Variants in IL1RAPL1 observed in about 807,000 individuals in gnomAD.
IL1RAPL1 encodes interleukin 1 receptor accessory protein like 1.
A neutral mutation model predicts 48.4 loss-of-function variants in IL1RAPL1; 3 were observed. The ratio of observed to expected loss-of-function variants is 0.06; its 90% CI spans 0.03 to 0.16. The LOEUF (loss-of-function observed/expected upper bound fraction) is 0.16. Among genes scored for constraint, IL1RAPL1 ranks in the 10% least tolerant of loss-of-function variants. The pLI, the probability that IL1RAPL1 is intolerant of heterozygous loss-of-function variation, is 1.00. For missense variants in IL1RAPL1, 349 were observed against 530.6 expected (o/e 0.66, Z 3.36); for synonymous variants, 185 against 187.7 (o/e 0.99, Z 0.12).
chrX:28,969,442 A>G (rs968087926), intron 2 of IL1RAPL1, among the ~76,000 whole-genome samples: 1 of 110,514 alleles, frequency 9.0e-6, no homozygotes, highest in African/African-American at 3.3e-5. Flanking sequence ...ACATTGTTAG[A>G]AGCCAGCTTC....
At chrX:29,742,578 TA>T (rs1285695118) in intron 6 of IL1RAPL1, among the ~76,000 whole-genome samples, 1 of 108,815 alleles carries the variant, frequency 9.2e-6, no homozygotes, top group Non-Finnish European at 1.9e-5. Context: ...AACAAACAAA[TA>T]AACAAAAAAA....
At chrX:28,670,150 A>T (rs1162941379) in intron 1 of IL1RAPL1, among the ~76,000 whole-genome samples, 1 of 111,778 alleles carries the variant, frequency 8.9e-6, no homozygotes. Context: ...TCCTAGGCAA[A>T]CTGGGACAAG....
chrX:29,924,159 A>G (rs1260339003), intron 8 of IL1RAPL1, among the ~76,000 whole-genome samples: 1 of 112,242 alleles, frequency 8.9e-6, no homozygotes, highest in African/African-American at 3.2e-5. Flanking sequence ...TACTTATCAC[A>G]GTGTCTGACA....
chrX:28,788,617 C>T (rs1448660390), intron 1 of IL1RAPL1, among the ~76,000 whole-genome samples: 1 of 99,946 alleles, frequency 1.0e-5, no homozygotes, highest in African/African-American at 3.7e-5. Flanking sequence ...CAGGTGCACT[C>T]CACCACGCCC....
At chrX:29,795,231 AT>A (rs1285571682) in intron 6 of IL1RAPL1, among the ~76,000 whole-genome samples, 1 of 111,767 alleles carries the variant, frequency 8.9e-6, no homozygotes, top group East Asian at 2.8e-4. Context: ...TCTATTACAT[AT>A]TTATCACCTA....
intron 2 of IL1RAPL1, among the ~76,000 whole-genome samples, chrX:29,260,282 T>C (rs1476107626): frequency 8.9e-6 from 1 of 112,426 alleles, no homozygotes; most frequent in Non-Finnish European, 1.9e-5. Flanking sequence ...AGTTGCTGTA[T>C]TAGTCTGTTC....
chrX:29,660,368 A>T (rs61449898), intron 5 of IL1RAPL1, among the ~76,000 whole-genome samples: 16,117 of 111,549 alleles, frequency 0.14, 1,225 homozygotes, highest in African/African-American at 0.29. Flanking sequence ...CTGTTTTTGC[A>T]TTGGTTGCCT....
At chrX:28,831,783 A>G (rs1921063594) in intron 2 of IL1RAPL1, among the ~76,000 whole-genome samples, 1 of 111,037 alleles carries the variant, frequency 9.0e-6, no homozygotes, top group Non-Finnish European at 1.9e-5. Context: ...AGAATTTCAG[A>G]GTTTCATACT....
intron 6 of IL1RAPL1, among the ~76,000 whole-genome samples, chrX:29,818,430 A>G (rs1162058198): frequency 8.9e-6 from 1 of 112,396 alleles, no homozygotes; most frequent in Non-Finnish European, 1.9e-5. Context: ...TCCCTCTTCT[A>G]TAGAGATTGG....
intron 2 of IL1RAPL1, among the ~76,000 whole-genome samples, chrX:29,115,180 A>G (rs1602063651): frequency 1.8e-5 from 2 of 111,881 alleles, no homozygotes; most frequent in Admixed American, 1.9e-4. Flanking sequence ...TATGGTATCA[A>G]TTTTTTAAAA....
At chrX:29,370,340 A>AT (rs796561065) in intron 3 of IL1RAPL1, among the ~76,000 whole-genome samples, 36 of 108,739 alleles carry the variant, frequency 3.3e-4, no homozygotes, top group South Asian at 1.9e-3. Context: ...GACATGAAGT[A>AT]TTTTTTTTAT....
chrX:29,258,317 G>A (rs1931791145), intron 2 of IL1RAPL1, among the ~76,000 whole-genome samples: 1 of 111,472 alleles, frequency 9.0e-6, no homozygotes, highest in African/African-American at 3.3e-5. Context: ...GAGCGATTAG[G>A]TAAAGAGGAC....
chrX:29,654,454 C>T (rs1002361289), intron 5 of IL1RAPL1, among the ~76,000 whole-genome samples: 1 of 112,070 alleles, frequency 8.9e-6, no homozygotes, highest in African/African-American at 3.2e-5. Flanking sequence ...CTCAGGAGGC[C>T]TCACAATCAT....
chrX:29,870,196 A>G (rs5973216), intron 6 of IL1RAPL1, among the ~76,000 whole-genome samples: 4,815 of 112,563 alleles, frequency 0.043, 119 homozygotes, highest in Non-Finnish European at 0.07. Context: ...AAATGAAAGA[A>G]TAAAAGGGAA....
chrX:29,432,379 C>T, intron 5 of IL1RAPL1, among the ~76,000 whole-genome samples: 1 of 111,341 alleles, frequency 9.0e-6, no homozygotes, highest in Admixed American at 9.6e-5. Flanking sequence ...AGATAGTACC[C>T]CTACCTCTCA....
chrX:29,184,913 A>G (rs1423250763), intron 2 of IL1RAPL1, among the ~76,000 whole-genome samples: 1 of 112,336 alleles, frequency 8.9e-6, no homozygotes, highest in Non-Finnish European at 1.9e-5. Context: ...AAACAAATTA[A>G]ATAAATCAAT....
At chrX:29,622,984 C>T (rs1417867549) in intron 5 of IL1RAPL1, among the ~76,000 whole-genome samples, 1 of 109,529 alleles carries the variant, frequency 9.1e-6, no homozygotes, top group Non-Finnish European at 1.9e-5. Flanking sequence ...TTTAAGAATT[C>T]TTGCAGCCGG....
intron 6 of IL1RAPL1, among the ~76,000 whole-genome samples, chrX:29,705,040 A>G (rs762136158): frequency 9.9e-5 from 11 of 111,564 alleles, no homozygotes; most frequent in Non-Finnish European, 1.9e-4. Context: ...ATTGTACCCT[A>G]TATAGCCTCC....
At chrX:29,174,997 C>G (rs1375171482) in intron 2 of IL1RAPL1, among the ~76,000 whole-genome samples, 1 of 104,942 alleles carries the variant, frequency 9.5e-6, no homozygotes, top group African/African-American at 3.5e-5. Context: ...TGGCGTGAAC[C>G]CGGGAGGCGG....
Sources: allele counts gnomAD v4.1 joint callset (sites outside exome capture counted in the v4.1 genomes callset), GRCh38; gene constraint gnomAD v4.1.1; transcripts MANE v1.5; gene names NCBI Gene and HGNC (gene_info 2026-07-23, HGNC 2026-07-21).